The following STRIP1 variants were observed in gnomAD, a reference collection of about 807,000 sequenced individuals.
STRIP1 encodes striatin interacting protein 1.
In STRIP1, 63 loss-of-function variants were observed where a neutral mutation model predicts 106.2. The observed-to-expected ratio is 0.59, with a 90% confidence interval of 0.48 to 0.73. STRIP1 has a LOEUF of 0.73. Ranked by LOEUF, STRIP1 falls within the 30% of genes least tolerant of loss-of-function variation. STRIP1 has a pLI of 0.00. For synonymous variants in STRIP1, 390 were observed against 413.0 expected (o/e 0.94, Z 0.67); for missense variants, 857 against 1,074.8 (o/e 0.80, Z 2.83).
intron 9 of STRIP1, 108 bp downstream of exon 9, chr1:110,043,378 C>T (rs553588058): frequency 8.4e-7 from 1 of 1,189,964 alleles, no homozygotes; most frequent in African/African-American, 1.5e-5. Context: ...TCTGATCAGC[C>T]AGTCAGAATC....
At position 110,038,958 on chromosome 1, in the gene STRIP1, GA is replaced by G. The variant is rs374541180; in HGVS notation, c.326-205del. The G allele has an allele frequency of 2.3e-3, 1,658 of 714,816 alleles. 19 individuals are homozygous for G. The African/African-American group carries it at 0.026, about 11-fold the overall frequency. The allele number at this position is 714,816 out of a possible 1,614,324, so 44.3% of individuals were successfully genotyped here. A position where few individuals can be genotyped will look rare whatever the true frequency, so the allele number is the denominator to read the frequency against. On this transcript the variant is annotated intron_variant, in intron 3 of 20. Coordinates refer to ENST00000369795, the MANE Select transcript of STRIP1 (RefSeq NM_033088.4). The stretch of plus-strand genomic sequence containing the variant: ...TTTTCAGAATGTGCATATTAGGGGA[GA>G]AAAAAAAATCATGTGATTAAAATTG...
At chr1:110,038,848 C>A in intron 3 of STRIP1, 91 bp downstream of exon 3, 2 of 1,178,770 alleles carry the variant, frequency 1.7e-6, no homozygotes, top group Non-Finnish European at 2.5e-6. Flanking sequence ...CTGAGTCATC[C>A]TGGAACAGCC....
At position 110,044,925 on chromosome 1, in the gene STRIP1, A is replaced by G. The variant is rs1222603893; in HGVS notation, c.1352+20A>G. The G allele has an allele frequency of 3.1e-6, 5 of 1,614,136 alleles. No homozygotes were observed. In the South Asian group the frequency reaches 5.5e-5, roughly 18 times the overall value. On this transcript the variant is annotated intron_variant, in intron 11 of 20. Transcript: ENST00000369795. The stretch of plus-strand genomic sequence containing the variant: ...AGGCAGGTGAGTAAAAGCCGAGTTC[A>G]TTTTGCTGTTAGCTCTCCCGGCCTT...
Position 110,053,720 on chromosome 1 carries a change from C to T in STRIP1, c.2322C>T (p.Asn774=). Residue 774 remains asparagine, a synonymous_variant, in exon 21 of 21, where the codon AAC becomes AAT. Coordinates refer to ENST00000369795, the MANE Select transcript of STRIP1 (RefSeq NM_033088.4). ...FQAEECALRA[N]IERFNARRYD... ...CAGAGGAGTGTGCCCTTCGTGCCAA[C>T]ATTGAACGCTTCAACGCCCGGCGCT... is the stretch of plus-strand genomic sequence containing the variant. The T allele has an allele frequency of 6.2e-7, 1 of 1,614,142 alleles. No homozygotes were observed. Among genetic ancestry groups the T allele is most frequent in the Non-Finnish European group, 8.5e-7 (1 of 1,180,034 alleles).
At chr1:110,035,410 T>C (rs886883198) in intron 1 of STRIP1, among the ~76,000 whole-genome samples, 1 of 152,162 alleles carries the variant, frequency 6.6e-6, no homozygotes, top group African/African-American at 2.4e-5. Flanking sequence ...TAACAGTACC[T>C]GTGGTGGGCT....
rs1296393595 is a variant in STRIP1 at position 110,051,674 on chromosome 1, C to T, written c.2062-9C>T. On this transcript the variant is annotated splice_polypyrimidine_tract_variant and intron_variant, in intron 19 of 20. Coordinates refer to ENST00000369795, the MANE Select transcript of STRIP1 (RefSeq NM_033088.4). ...TCAACTTGGGCTGCTTGCTTGTTTC[C>T]CTTCCCAGATGCTGGTGGTGTTCAA... 6.3e-7 allele frequency: 1 copy of T among 1,592,936 alleles called. No individual in the cohort carries two copies. Among genetic ancestry groups the T allele is most frequent in the Non-Finnish European group, 8.6e-7 (1 of 1,169,524 alleles).
Position 110,050,427 on chromosome 1 carries a change from C to G in STRIP1, c.1956+18C>G. On this transcript the variant is annotated intron_variant, in intron 18 of 20. Coordinates refer to ENST00000369795, the MANE Select transcript of STRIP1 (RefSeq NM_033088.4). ...AGAGTTTGGTGAGTGGCTGGGCTCT[C>G]CTCAGCTGTCCTTTTGGCACCAGGG... The G allele has an allele frequency of 6.2e-7, 1 of 1,613,232 alleles. No homozygotes were observed. Among genetic ancestry groups the G allele is most frequent in the Non-Finnish European group, 8.5e-7 (1 of 1,179,272 alleles).
chr1:110,048,283 A>G (rs1557794709), intron 15 of STRIP1: 1 of 207,134 alleles, frequency 4.8e-6, no homozygotes, highest in East Asian at 1.1e-4. Context: ...TTCGCCAGTG[A>G]TTGGGCACGC....
chr1:110,049,379 GGCCTTTCAT>G (rs1653181720), intron 16 of STRIP1, 72 bp from the exon 17 acceptor site: 6 of 1,547,260 alleles, frequency 3.9e-6, no homozygotes, highest in Non-Finnish European at 5.3e-6. Flanking sequence ...CTTCAGCCAA[GGCCTTTCAT>G]CCCTGGAGGA....
Position 110,039,253 on chromosome 1 carries a change from C to G in STRIP1, c.407C>G (p.Thr136Ser). 2 of 1,614,246 alleles carry G rather than the reference C, an allele frequency of 1.2e-6. No homozygotes were observed. The highest frequency in any genetic ancestry group is 1.7e-6 in the Non-Finnish European group (2 of 1,180,046). The change falls in exon 4 of 21, where the codon ACT becomes AGT. Residue 136 changes from threonine to serine, a missense_variant. Thr to Ser is a moderately conservative substitution (Grantham distance 58, BLOSUM62 1). Coordinates refer to ENST00000369795, the MANE Select transcript of STRIP1 (RefSeq NM_033088.4). ...AMRLLDGLEV[T>S]AREKRLKVAR... is the part of the protein sequence containing the mutation. ...AGGCTCCTGGATGGCTTGGAAGTCA[C>G]TGCCAGGGAGAAGAGACTCAAGGTG...
rs1653322620 is a variant in STRIP1 at position 110,051,952 on chromosome 1, C to CCTGCCCGTGGTACTCAGGTACTTCT, written c.2266+72_2266+96dup. 1.1e-5 allele frequency: 17 copies of CCTGCCCGTGGTACTCAGGTACTTCT among 1,533,746 alleles called. 1 individual carries two copies. Among genetic ancestry groups the CCTGCCCGTGGTACTCAGGTACTTCT allele is most frequent in the Non-Finnish European group, 1.5e-5 (17 of 1,118,728 alleles). ...TCGGGAAAAGTGACATCTTTCACTC[C>CCTGCCCGTGGTACTCAGGTACTTCT]CTGCCCGTGGTACTCAGGTACTTCT... On this transcript the variant is annotated intron_variant, in intron 20 of 20. Transcript: ENST00000369795.
intron 13 of STRIP1, among the ~76,000 whole-genome samples, 186 bp from the exon 14 acceptor site, chr1:110,047,356 A>C (rs1015406364): frequency 6.6e-6 from 1 of 152,234 alleles, no homozygotes; most frequent in Non-Finnish European, 1.5e-5. Flanking sequence ...TATAATAATA[A>C]GGATGAACTG....
In STRIP1 at chr1:110,051,145, C is replaced by T. The variant is rs1458902375; in HGVS notation, c.2061+85C>T. 13 of 877,570 alleles carry T rather than the reference C, an allele frequency of 1.5e-5. No homozygotes were observed. The Admixed American group carries it at 2.2e-4, about 15-fold the overall frequency. 54.4% of individuals were successfully genotyped at this position (877,570 alleles called of 1,614,324 possible). ...AGCAGGGAGTCCCCAGGGTGGGGCT[C>T]ACTGTGCCTTCTCACTTAACTTTGC... On this transcript the variant is annotated intron_variant, in intron 19 of 20. Transcript: ENST00000369795.
rs767414666 is a variant in STRIP1, at chr1:110,051,843, A to G, written c.2222A>G (p.Gln741Arg). ...ATGAAGACCATGTCTGCCATCTACC[A>G]GAAGGTGCGGCATCGGCTGAACGAC... ...SNMKTMSAIY[Q>R]KVRHRLNDDW... is the part of the protein sequence containing the mutation. Residue 741 changes from glutamine (Q) to arginine (R), a missense_variant, in exon 20 of 21, where the codon CAG (glutamine) becomes CGG (arginine). Gln to Arg is a conservative substitution (Grantham distance 43, BLOSUM62 1). Around this residue, in one of 2 missense-constraint regions of STRIP1, gnomAD observed 750 missense variants for 989.8 expected, o/e 0.76. Coordinates refer to ENST00000369795, the MANE Select transcript of STRIP1 (RefSeq NM_033088.4). The G allele has an allele frequency of 1.2e-6, 2 of 1,613,298 alleles. No individual in the cohort carries two copies. The highest frequency in any genetic ancestry group is 2.2e-5 in the South Asian group (2 of 91,036).
intron 8 of STRIP1, 86 bp from the exon 9 acceptor site, chr1:110,043,002 A>T: frequency 7.5e-7 from 1 of 1,339,142 alleles, no homozygotes; most frequent in Non-Finnish European, 1.0e-6. Flanking sequence ...TCATGATGTC[A>T]TGAATGTTTC....
Position 110,037,922 on chromosome 1 carries a change from A to G in STRIP1, c.212A>G (p.Glu71Gly), listed in dbSNP as rs1570913337. The G allele has an allele frequency of 6.2e-7, 1 of 1,612,654 alleles. No individual in the cohort carries two copies. The highest frequency in any genetic ancestry group is 8.5e-7 in the Non-Finnish European group (1 of 1,179,032). The change falls in exon 2 of 21, where the codon GAG (glutamate) becomes GGG (glycine). Residue 71 changes from glutamate (E) to glycine (G), a missense_variant. By Grantham distance (98) the Glu-to-Gly change is moderately conservative. Around this residue, in one of 2 missense-constraint regions of STRIP1, gnomAD observed 750 missense variants for 989.8 expected, o/e 0.76. Coordinates refer to ENST00000369795, the MANE Select transcript of STRIP1 (RefSeq NM_033088.4). The part of the protein sequence containing the change: ...GYSESPDLEF[E>G]YADTDKWAAE... ...TCGGAGTCACCAGACCTGGAGTTTG[A>G]GTATGCTGACACAGACAAGTGGGCT...
chr1:110,048,875 A>G (rs1653155674), intron 15 of STRIP1, among the ~76,000 whole-genome samples: 2 of 152,236 alleles, frequency 1.3e-5, no homozygotes. Flanking sequence ...GAGGAAAGGC[A>G]GAGAAACAGA....
At position 110,043,815 on chromosome 1, in the gene STRIP1, G is replaced by C. The variant is rs1652891104; in HGVS notation, c.1245G>C (p.Arg415Ser). The C allele has an allele frequency of 1.2e-6, 2 of 1,614,120 alleles. No homozygotes were observed. The highest frequency in any genetic ancestry group is 1.7e-6 in the Non-Finnish European group (2 of 1,180,018). ...CGCTACAGCACCCACAGACTGACAGGCTGACTTGCCCCAAAGGGCTCCCGT... is the reference window on the plus strand; with the variant it reads ...CGCTACAGCACCCACAGACTGACAGCCTGACTTGCCCCAAAGGGCTCCCGT... The part of the protein sequence containing the change: ...PPPLQHPQTD[R>S]LTCPKGLPWA... Residue 415 changes from arginine (R) to serine (S), a missense_variant, in exon 10 of 21, where the codon AGG becomes AGC. Physicochemically the swap from Arg to Ser is moderately radical, Grantham distance 110 (BLOSUM62 -1). Around this residue, in one of 2 missense-constraint regions of STRIP1, gnomAD observed 750 missense variants for 989.8 expected, o/e 0.76. Coordinates refer to ENST00000369795, the MANE Select transcript of STRIP1 (RefSeq NM_033088.4).
In STRIP1 at chr1:110,050,344, AT is replaced by A; in HGVS notation, c.1894del (p.Ser632LeufsTer16). ...ATCTGGTTCCTCTCCCCTCTGCAGC[AT>A]TTCTGTCCTGGATTACCCTCACTGC... ...IMSYITAKNS[I>X]SVLDYPHCVV... On this transcript the variant is annotated frameshift_variant and splice_region_variant, in exon 18 of 21. Transcript: ENST00000369795. LOFTEE classifies it high-confidence loss of function. 2 of 1,614,074 alleles carry A rather than the reference AT, an allele frequency of 1.2e-6. No individual in the cohort carries two copies. Among genetic ancestry groups the A allele is most frequent in the Non-Finnish European group, 1.7e-6 (2 of 1,179,982 alleles).
Sources: gnomAD v4.1 joint callset for allele counts (sites outside exome capture counted in the v4.1 genomes callset) on GRCh38, gnomAD v4.1.1 for gene constraint, gnomAD v4.1.1 regional missense constraint, MANE v1.5 for transcripts, NCBI Gene and HGNC (gene_info 2026-07-23, HGNC 2026-07-21) for gene names.